The following DCDC1 variants were observed in gnomAD, a reference collection of about 807,000 sequenced individuals.
DCDC1 encodes the protein doublecortin domain containing 1, also known as doublecortin domain-containing protein 1.
In DCDC1, 200 loss-of-function variants were observed where a neutral mutation model predicts 178.3. That is an observed-to-expected ratio of 1.12 (90% CI 1.00 to 1.26). The LOEUF is 1.26. Ranked by LOEUF, DCDC1 falls within the 50% of genes most tolerant of loss-of-function variation. The probability of loss-of-function intolerance (pLI) is 0.00; values close to 1 mark genes in which losing one functional copy is unlikely to be tolerated. For missense variants in DCDC1, 1,983 were observed against 1,749.2 expected, an observed-to-expected ratio of 1.13 and a Z score of -2.38; for synonymous variants, 690 against 604.8, an observed-to-expected ratio of 1.14 and a Z score of -2.07.
intron 17 of DCDC1, among the ~76,000 whole-genome samples, chr11:31,085,684 A>G (rs976511234): frequency 1.4e-5 from 2 of 146,658 alleles, no homozygotes; most frequent in African/African-American, 2.6e-5. Flanking sequence ...TTTTAGAAAT[A>G]AAGCTGCTAA....
intron 9 of DCDC1, among the ~76,000 whole-genome samples, chr11:31,227,575 T>C (rs920460186): frequency 1.1e-4 from 16 of 152,162 alleles, no homozygotes; most frequent in African/African-American, 3.9e-4. Flanking sequence ...TTATCCAAAA[T>C]AAAGCAGTTT....
intron 9 of DCDC1, among the ~76,000 whole-genome samples, chr11:31,233,417 G>A (rs140056424): frequency 1.2e-3 from 186 of 152,274 alleles, no homozygotes; most frequent in Non-Finnish European, 2.3e-3. Flanking sequence ...TTCAACACTG[G>A]TTAACACACA....
At chr11:30,906,506 T>C (rs1945076590) in intron 30 of DCDC1, 34 bp downstream of exon 30, 3 of 1,575,672 alleles carry the variant, frequency 1.9e-6, no homozygotes, top group Non-Finnish European at 2.6e-6. Flanking sequence ...ATTGTTGCCA[T>C]ACATGCATTA....
At chr11:31,078,218 T>C (rs1461286893) in intron 17 of DCDC1, among the ~76,000 whole-genome samples, 1 of 117,244 alleles carries the variant, frequency 8.5e-6, no homozygotes, top group Non-Finnish European at 1.7e-5. Context: ...AAGAATATTA[T>C]GGAAAGTTCT....
chr11:30,896,981 C>T (rs922287230), intron 34 of DCDC1, among the ~76,000 whole-genome samples: 1 of 152,178 alleles, frequency 6.6e-6, no homozygotes, highest in African/African-American at 2.4e-5. Context: ...ACTATTCATA[C>T]CTCCTGTTTT....
chr11:31,355,935 T>C (rs1403463106), intron 1 of DCDC1, among the ~76,000 whole-genome samples: 2 of 152,092 alleles, frequency 1.3e-5, no homozygotes, highest in Non-Finnish European at 2.9e-5. Flanking sequence ...GCTCCCAGGC[T>C]AGTAAGGGAA....
chr11:30,891,682 T>C (rs1035102090), intron 36 of DCDC1, among the ~76,000 whole-genome samples: 2 of 152,382 alleles, frequency 1.3e-5, no homozygotes, highest in East Asian at 3.9e-4. Context: ...ACTATCTTTT[T>C]TAAAAATCAC....
intron 20 of DCDC1, among the ~76,000 whole-genome samples, chr11:30,999,958 A>G (rs779974854): frequency 3.3e-5 from 5 of 152,074 alleles, no homozygotes; most frequent in Admixed American, 6.6e-5. Context: ...GAAGTCAACT[A>G]TCTCCTTTAG....
chr11:31,046,373 T>C (rs1487272495), intron 20 of DCDC1, among the ~76,000 whole-genome samples: 1 of 151,964 alleles, frequency 6.6e-6, no homozygotes, highest in Non-Finnish European at 1.5e-5. Flanking sequence ...TGCTACCCAA[T>C]GTCCTCAGTC....
Position 31,256,731 on chromosome 11 carries a change from T to C in DCDC1, c.1054+8776A>G, listed in dbSNP as rs577463943. Among the ~76,000 whole-genome samples the C allele has an allele frequency of 1.1e-4, 17 of 152,314 alleles. 2 individuals are homozygous for C. In the South Asian group the frequency reaches 3.5e-3, roughly 32 times the overall value. Reference sequence around the variant, plus strand: ...TACAAATGGGCCTGTATATAGAGAATAGGGAAATTGACCTTAAATTTTATA... The same window carrying C: ...TACAAATGGGCCTGTATATAGAGAACAGGGAAATTGACCTTAAATTTTATA... On this transcript the variant is annotated intron_variant, in intron 8 of 38. Coordinates refer to ENST00000684477, the MANE Select transcript of DCDC1 (RefSeq NM_001387274.1).
At chr11:31,240,837 T>C (rs1226831042) in intron 9 of DCDC1, among the ~76,000 whole-genome samples, 2 of 151,972 alleles carry the variant, frequency 1.3e-5, no homozygotes, top group African/African-American at 4.8e-5. Flanking sequence ...AAAGTCCCTA[T>C]ACATGATTAT....
chr11:31,086,416 C>T (rs1222268174), intron 17 of DCDC1, among the ~76,000 whole-genome samples: 2 of 151,984 alleles, frequency 1.3e-5, no homozygotes, highest in East Asian at 1.9e-4. Context: ...ATCATTTATC[C>T]CCATGTTTTC....
At chr11:31,009,459 TGTGTG>T (rs1351110729) in intron 20 of DCDC1, among the ~76,000 whole-genome samples, 1 of 151,564 alleles carries the variant, frequency 6.6e-6, no homozygotes, top group African/African-American at 2.4e-5. Flanking sequence ...TGTGTGTGTG[TGTGTG>T]TGTGTGTGTA....
At chr11:31,183,625 T>C (rs574408436) in intron 9 of DCDC1, among the ~76,000 whole-genome samples, 1 of 152,314 alleles carries the variant, frequency 6.6e-6, no homozygotes, top group East Asian at 1.9e-4. Flanking sequence ...ATCACAAGCC[T>C]TCCTATATAC....
chr11:30,910,548 T>C (rs981362357), intron 28 of DCDC1, among the ~76,000 whole-genome samples: 1 of 152,204 alleles, frequency 6.6e-6, no homozygotes, highest in Admixed American at 6.5e-5. Flanking sequence ...GAAACAAATG[T>C]TATCTGGAGG....
At chr11:31,329,852 A>G (rs1489059738) in intron 2 of DCDC1, among the ~76,000 whole-genome samples, 2 of 152,240 alleles carry the variant, frequency 1.3e-5, no homozygotes, top group African/African-American at 4.8e-5. Context: ...TAGTGCCACA[A>G]TAAACATACG....
chr11:30,894,140 C>G, intron 35 of DCDC1, 108 bp downstream of exon 35: 1 of 1,419,282 alleles, frequency 7.0e-7, no homozygotes, highest in Non-Finnish European at 9.4e-7. Context: ...CATAACTGAT[C>G]AGATGCTGAG....
At chr11:31,098,627 C>G (rs924116481) in intron 15 of DCDC1, among the ~76,000 whole-genome samples, 1 of 152,196 alleles carries the variant, frequency 6.6e-6, no homozygotes, top group African/African-American at 2.4e-5. Context: ...TTGTAATCCT[C>G]TTAGTGTGTT....
intron 6 of DCDC1, among the ~76,000 whole-genome samples, chr11:31,304,224 A>C (rs1158216315): frequency 6.6e-6 from 1 of 152,178 alleles, no homozygotes; most frequent in Non-Finnish European, 1.5e-5. Flanking sequence ...GCTATAAATA[A>C]TTTTTATATG....
Sources: allele counts gnomAD v4.1 joint callset (sites outside exome capture counted in the v4.1 genomes callset), GRCh38; gene constraint gnomAD v4.1.1; transcripts MANE v1.5; gene names NCBI Gene and HGNC (gene_info 2026-07-23, HGNC 2026-07-21).